MYCBP2: variants seen among roughly 807,000 people sequenced by gnomAD.
The protein encoded by MYCBP2 is E3 ubiquitin-protein ligase MYCBP2.
In MYCBP2, 120 loss-of-function variants were observed where a neutral mutation model predicts 525.3. That is an observed-to-expected ratio of 0.23 (90% CI 0.20 to 0.27). MYCBP2 has a LOEUF of 0.27. Ranked by LOEUF, MYCBP2 falls within the 10% of genes least tolerant of loss-of-function variation. The pLI is 1.00. For missense variants in MYCBP2, 4,149 were observed against 5,657.1 expected, an observed-to-expected ratio of 0.73 and a Z score of 8.55; for synonymous variants, 1,894 against 1,955.8, an observed-to-expected ratio of 0.97 and a Z score of 0.83.
At chr13:77,289,086 C>T (rs923409607) in intron 2 of MYCBP2, among the ~76,000 whole-genome samples, 2 of 151,882 alleles carry the variant, frequency 1.3e-5, no homozygotes, top group African/African-American at 4.8e-5. Flanking sequence ...TTTAGAAATT[C>T]AACTTCCAAT....
intron 63 of MYCBP2, 156 bp from the exon 64 acceptor site, chr13:77,082,149 G>A (rs1406952360): frequency 4.7e-6 from 3 of 641,744 alleles, no homozygotes; most frequent in Non-Finnish European, 7.4e-6. Flanking sequence ...CATTCCTATT[G>A]TTTTTGTTTT....
At chr13:77,150,129 T>C (rs748983042) in intron 47 of MYCBP2, among the ~76,000 whole-genome samples, 5 of 152,100 alleles carry the variant, frequency 3.3e-5, no homozygotes, top group Non-Finnish European at 5.9e-5. Context: ...AAAATATATA[T>C]TTTTTAAATG....
At chr13:77,255,205 T>G (rs1268736928) in intron 14 of MYCBP2, among the ~76,000 whole-genome samples, 1 of 151,962 alleles carries the variant, frequency 6.6e-6, no homozygotes, top group Non-Finnish European at 1.5e-5. Context: ...TTTCCATAGT[T>G]GCTGTACTAA....
At chr13:77,286,350 T>C (rs186654293) in intron 3 of MYCBP2, among the ~76,000 whole-genome samples, 154 of 152,256 alleles carry the variant, frequency 1.0e-3, no homozygotes, top group Non-Finnish European at 1.9e-3. Context: ...AATAGCTCTG[T>C]TTAGAAAAAA....
intron 52 of MYCBP2, among the ~76,000 whole-genome samples, chr13:77,127,416 T>C (rs1483377647): frequency 4.6e-5 from 7 of 151,964 alleles, no homozygotes; most frequent in Non-Finnish European, 8.8e-5. Flanking sequence ...CCATATTTTC[T>C]CTTTTTCCCA....
intron 55 of MYCBP2, among the ~76,000 whole-genome samples, chr13:77,114,583 AT>A (rs1267201690): frequency 6.6e-6 from 1 of 151,830 alleles, no homozygotes; most frequent in East Asian, 1.9e-4. Flanking sequence ...GTCACATTTA[AT>A]TTTTTTTGTC....
At position 77,233,366 on chromosome 13, in the gene MYCBP2, A is replaced by G. The variant is rs1308634021; in HGVS notation, c.2630-103T>C. 6 of 953,300 alleles carry G rather than the reference A, an allele frequency of 6.3e-6. No individual in the cohort carries two copies. In the East Asian group the frequency reaches 1.6e-4, roughly 25 times the overall value. 59.1% of individuals were successfully genotyped at this position (953,300 alleles called of 1,614,324 possible). On this transcript the variant is annotated intron_variant, in intron 17 of 82. Coordinates refer to ENST00000544440, the MANE Select transcript of MYCBP2 (RefSeq NM_015057.5). ...CTAAAAAGCATAAAAATTTATTCTT[A>G]ACGGTTTTGGACATTATACTTTTCT...
chr13:77,303,390 A>G (rs4885450), intron 1 of MYCBP2, among the ~76,000 whole-genome samples: 87,483 of 152,166 alleles, frequency 0.57, 28,544 homozygotes, highest in Non-Finnish European at 0.73. Context: ...GCATACATAC[A>G]GAAACATATC....
In MYCBP2 at chr13:77,267,933, T is replaced by A; in HGVS notation, c.1265A>T (p.Tyr422Phe). 6.2e-7 allele frequency: 1 copy of A among 1,605,950 alleles called. No individual in the cohort carries two copies. The highest frequency in any genetic ancestry group is 2.2e-5 in the East Asian group (1 of 44,752). The change falls in exon 8 of 83, where the codon TAT becomes TTT. Residue 422 changes from tyrosine (Y) to phenylalanine (F), a missense_variant. Tyr to Phe is a conservative substitution (Grantham distance 22). Coordinates refer to ENST00000544440, the MANE Select transcript of MYCBP2 (RefSeq NM_015057.5). The stretch of plus-strand genomic sequence containing the variant: ...GTTATTCACATCTCTATATAATAAA[T>A]AACCCTGATAACAGCAAAAAATTTT... ...KKSWLGYAQG[Y>F]LLYRDVNNHS...
chr13:77,239,522 C>A (rs1002877603), intron 17 of MYCBP2, among the ~76,000 whole-genome samples: 3 of 152,154 alleles, frequency 2.0e-5, no homozygotes, highest in Admixed American at 2.0e-4. Context: ...ATTCATTAGG[C>A]CCAGGTGATT....
At chr13:77,237,648 A>T (rs1389923903) in intron 17 of MYCBP2, among the ~76,000 whole-genome samples, 2 of 152,158 alleles carry the variant, frequency 1.3e-5, no homozygotes, top group Admixed American at 6.5e-5. Flanking sequence ...TATTTGCAAT[A>T]AAGCACAAAA....
chr13:77,299,336 T>C (rs1017565577), intron 1 of MYCBP2, among the ~76,000 whole-genome samples: 1 of 152,214 alleles, frequency 6.6e-6, no homozygotes, highest in East Asian at 1.9e-4. Context: ...TGGCATTTAA[T>C]TGGTTGTAAC....
intron 55 of MYCBP2, among the ~76,000 whole-genome samples, chr13:77,116,835 T>A (rs1478458694): frequency 2.0e-5 from 3 of 152,060 alleles, no homozygotes; most frequent in Non-Finnish European, 4.4e-5. Flanking sequence ...TTAATTAAAT[T>A]TGGTAAAATT....
intron 68 of MYCBP2, among the ~76,000 whole-genome samples, chr13:77,073,637 AC>A (rs1028572517): frequency 1.1e-4 from 17 of 152,154 alleles, no homozygotes; most frequent in African/African-American, 3.9e-4. Context: ...ATCTAAGAAA[AC>A]CCCAAAGAGT....
chr13:77,221,170 G>A (rs990879122), intron 20 of MYCBP2, among the ~76,000 whole-genome samples: 1 of 151,950 alleles, frequency 6.6e-6, no homozygotes, highest in African/African-American at 2.4e-5. Context: ...AAGAAACCCT[G>A]ATATTTTGTT....
chr13:77,083,706 C>G (rs1352698944), intron 62 of MYCBP2, among the ~76,000 whole-genome samples: 2 of 152,076 alleles, frequency 1.3e-5, no homozygotes, highest in East Asian at 3.9e-4. Context: ...AATTTCATTT[C>G]TCATTACAAC....
At chr13:77,287,138 T>G (rs555108676) in intron 3 of MYCBP2, among the ~76,000 whole-genome samples, 3 of 150,728 alleles carry the variant, frequency 2.0e-5, no homozygotes, top group African/African-American at 7.3e-5. Flanking sequence ...CCGCCCGCCT[T>G]GGCCTCCCAA....
chr13:77,249,610 G>T (rs544218105), intron 15 of MYCBP2, among the ~76,000 whole-genome samples: 1 of 151,982 alleles, frequency 6.6e-6, no homozygotes, highest in East Asian at 1.9e-4. Context: ...GCTGAAGCTG[G>T]TTTCAAACTC....
chr13:77,295,136 A>T (rs1042816468), intron 2 of MYCBP2, among the ~76,000 whole-genome samples: 1 of 151,964 alleles, frequency 6.6e-6, no homozygotes, highest in Non-Finnish European at 1.5e-5. Context: ...GATTATTTTT[A>T]TTTATTTATT....
Sources: gnomAD v4.1 joint callset for allele counts (sites outside exome capture counted in the v4.1 genomes callset) on GRCh38, gnomAD v4.1.1 for gene constraint, MANE v1.5 for transcripts, NCBI Gene and HGNC (gene_info 2026-07-23, HGNC 2026-07-21) for gene names.